The following VEZT variants were observed in gnomAD, a reference collection of about 807,000 sequenced individuals.
The protein encoded by VEZT is vezatin.
VEZT carries 39 observed loss-of-function variants against 79.9 expected under a neutral mutation model. The observed-to-expected ratio is 0.49, with a 90% CI of 0.38 to 0.64. VEZT has a LOEUF of 0.64. Among genes scored for constraint, VEZT ranks in the 30% least tolerant of loss-of-function variants. VEZT has a pLI of 0.00. For synonymous variants in VEZT, 325 were observed against 327.6 expected, an observed-to-expected ratio of 0.99 and a Z score of 0.09; for missense variants, 837 against 893.1, an observed-to-expected ratio of 0.94 and a Z score of 0.80.
chr12:95,287,452 C>G (rs1033938158), intron 8 of VEZT, among the ~76,000 whole-genome samples: 1 of 152,044 alleles, frequency 6.6e-6, no homozygotes, highest in Non-Finnish European at 1.5e-5. Flanking sequence ...TAGGCACATG[C>G]TACCATGCTC....
chr12:95,242,169 A>G (rs930521495), intron 1 of VEZT: 13 of 152,176 alleles, frequency 8.5e-5, no homozygotes, highest in African/African-American at 3.1e-4. Flanking sequence ...AATAGACATT[A>G]AAACTACCAC....
intron 1 of VEZT, chr12:95,218,202 G>T (rs1025155541): frequency 3.9e-6 from 1 of 258,102 alleles, no homozygotes; most frequent in Non-Finnish European, 7.4e-6. Flanking sequence ...ACTGCGCCCG[G>T]CTGGGGCGGG....
chr12:95,269,855 CATATAT>C lies in VEZT; in HGVS notation c.711-187_711-182del, dbSNP rs571816353. On this transcript the variant is annotated intron_variant, in intron 5 of 11. Coordinates refer to ENST00000436874, the MANE Select transcript of VEZT (RefSeq NM_017599.4). ...TTTTTTTAGTGGTTGTCTATATATA[CATATAT>C]ATATATATCTAGTCACAGAAATGAC... The C allele has an allele frequency of 1.6e-4, 74 of 475,956 alleles. No homozygotes were observed. In the Admixed American group the frequency reaches 2.6e-3, roughly 16 times the overall value. The allele number at this position is 475,956 out of a possible 1,614,324, so 29.5% of individuals were successfully genotyped here.
chr12:95,278,843 C>T lies in VEZT; in HGVS notation c.997-3470C>T, dbSNP rs11107958. Reference sequence around the variant, plus strand: ...CAGCACTCTGGGAGGCCAAGGCGGGCGGATCAACTGAGGTTGGGAGTTTGC... The same window carrying T: ...CAGCACTCTGGGAGGCCAAGGCGGGTGGATCAACTGAGGTTGGGAGTTTGC... On this transcript the variant is annotated intron_variant, in intron 7 of 11. Coordinates refer to ENST00000436874, the MANE Select transcript of VEZT (RefSeq NM_017599.4). Among the ~76,000 whole-genome samples the T allele has an allele frequency of 6.7e-4, 102 of 152,290 alleles. No individual in the cohort carries two copies. In the East Asian group the frequency reaches 0.018, roughly 26 times the overall value.
At chr12:95,285,204 G>C (rs1164151157) in intron 8 of VEZT, among the ~76,000 whole-genome samples, 3 of 152,102 alleles carry the variant, frequency 2.0e-5, no homozygotes, top group African/African-American at 7.2e-5. Flanking sequence ...GATACTTTGG[G>C]AGGCCAACTA....
At chr12:95,286,059 C>A (rs1173182164) in intron 8 of VEZT, among the ~76,000 whole-genome samples, 1 of 126,312 alleles carries the variant, frequency 7.9e-6, no homozygotes, top group African/African-American at 2.9e-5. Flanking sequence ...GTGGCATGAT[C>A]TCGGCTCACT....
At chr12:95,285,588 CCTT>C (rs985592803) in intron 8 of VEZT, among the ~76,000 whole-genome samples, 38 of 151,990 alleles carry the variant, frequency 2.5e-4, no homozygotes, top group African/African-American at 8.5e-4. Context: ...AGTAATTTTC[CCTT>C]CTTCTGATTT....
intron 3 of VEZT, among the ~76,000 whole-genome samples, chr12:95,261,486 A>G (rs1282004056): frequency 6.6e-6 from 1 of 152,130 alleles, no homozygotes; most frequent in African/African-American, 2.4e-5. Flanking sequence ...ATCTCGGCTC[A>G]CTGCAACCTC....
chr12:95,295,658 C>T, intron 10 of VEZT, among the ~76,000 whole-genome samples: 1 of 152,108 alleles, frequency 6.6e-6, no homozygotes, highest in East Asian at 1.9e-4. Context: ...GTTCAAACTT[C>T]CTGGGAAATC....
intron 2 of VEZT, 68 bp from the exon 3 acceptor site, chr12:95,257,082 C>T: frequency 7.7e-7 from 1 of 1,297,316 alleles, no homozygotes. Flanking sequence ...GAGGTAAGTA[C>T]TTTGAAGTTT....
At chr12:95,273,691 A>G (rs2067087227) in intron 6 of VEZT, among the ~76,000 whole-genome samples, 1 of 152,194 alleles carries the variant, frequency 6.6e-6, no homozygotes. Flanking sequence ...TTATGAAAAT[A>G]CTGTAATCTC....
At chr12:95,246,874 G>A (rs1314455185) in intron 1 of VEZT, among the ~76,000 whole-genome samples, 2 of 152,086 alleles carry the variant, frequency 1.3e-5, no homozygotes, top group African/African-American at 4.8e-5. Flanking sequence ...CTTGAACCAA[G>A]GAAAAGTCAT....
intron 1 of VEZT, among the ~76,000 whole-genome samples, chr12:95,223,756 T>C (rs2057979573): frequency 2.0e-5 from 3 of 152,216 alleles, no homozygotes; most frequent in African/African-American, 2.4e-5. Flanking sequence ...TGGCCTCAGG[T>C]AGACTTTTCA....
intron 1 of VEZT, among the ~76,000 whole-genome samples, chr12:95,248,821 CAA>C (rs3080331): frequency 0.33 from 34,033 of 104,162 alleles, 4,072 homozygotes; most frequent in African/African-American, 0.44. Flanking sequence ...GACCCTATCT[CAA>C]AAAAAAAAAA....
At chr12:95,289,129 T>TAAATAAATTAAA (rs1343956093) in intron 9 of VEZT, among the ~76,000 whole-genome samples, 5 of 141,498 alleles carry the variant, frequency 3.5e-5, no homozygotes, top group African/African-American at 7.6e-5. Context: ...AATAAATAAA[T>TAAATAAATTAAA]AAAAAAGGCC....
intron 1 of VEZT, among the ~76,000 whole-genome samples, chr12:95,249,012 T>C (rs1309054418): frequency 6.6e-6 from 1 of 152,126 alleles, no homozygotes; most frequent in African/African-American, 2.4e-5. Context: ...CATATGAAAA[T>C]TACATGAAGT....
rs1401862004 is a variant in VEZT at position 95,301,073 on chromosome 12, A to G, written c.*400A>G. Reference sequence around the variant, plus strand: ...TTTTTACTGTATTCTTGCAGTTAATAACTGCAGCTATTATGTTAATAACAA... The same window carrying G: ...TTTTTACTGTATTCTTGCAGTTAATGACTGCAGCTATTATGTTAATAACAA... On this transcript the variant is annotated 3_prime_UTR_variant, in exon 12 of 12. Coordinates refer to ENST00000436874, the MANE Select transcript of VEZT (RefSeq NM_017599.4). The G allele has an allele frequency of 1.3e-5, 2 of 153,830 alleles. No individual in the cohort carries two copies. The highest frequency in any genetic ancestry group is 4.8e-5 in the African/African-American group (2 of 41,478). The allele number at this position is 153,830 out of a possible 1,614,324, so 9.5% of individuals were successfully genotyped here. A position where few individuals can be genotyped will look rare whatever the true frequency, so the allele number is the denominator to read the frequency against.
chr12:95,249,874 G>A (rs1035554226), intron 1 of VEZT, among the ~76,000 whole-genome samples: 1 of 151,832 alleles, frequency 6.6e-6, no homozygotes, highest in Non-Finnish European at 1.5e-5. Flanking sequence ...GAGTGAACCC[G>A]TTTCCTCATC....
chr12:95,300,304 A>G lies in VEZT; in HGVS notation c.1971A>G (p.Glu657=), dbSNP rs776608639. ...ATAAATCCGCCACAACAGACAATGAAATAAGTAGGACTGAGTATTTATGTG... is the reference window on the plus strand; with the variant it reads ...ATAAATCCGCCACAACAGACAATGAGATAAGTAGGACTGAGTATTTATGTG... The part of the protein sequence containing the change: ...ESNKSATTDN[E]ISRTEYLCEN... The change falls in exon 12 of 12, where the codon GAA becomes GAG. Residue 657 remains glutamate (E), a synonymous_variant. Coordinates refer to ENST00000436874, the MANE Select transcript of VEZT (RefSeq NM_017599.4). The G allele has an allele frequency of 3.7e-6, 6 of 1,609,346 alleles. No individual in the cohort carries two copies. In the South Asian group the frequency reaches 6.7e-5, roughly 18 times the overall value.
Sources: allele counts gnomAD v4.1 joint callset (sites outside exome capture counted in the v4.1 genomes callset), GRCh38; gene constraint gnomAD v4.1.1; transcripts MANE v1.5; gene names NCBI Gene and HGNC (gene_info 2026-07-23, HGNC 2026-07-21).